ATP8A2: variants seen among roughly 807,000 people sequenced by gnomAD.
ATP8A2 encodes phospholipid-transporting ATPase IB.
In ATP8A2, 100 loss-of-function variants were observed where a neutral mutation model predicts 165.6. The observed-to-expected ratio is 0.60, with a 90% CI of 0.51 to 0.71. ATP8A2 has a LOEUF of 0.71. Among genes scored for constraint, ATP8A2 ranks in the 30% least tolerant of loss-of-function variants. The pLI is 0.00. For missense variants in ATP8A2, 1,227 were observed against 1,479.5 expected (o/e 0.83, Z 2.80); for synonymous variants, 543 against 548.8 (o/e 0.99, Z 0.15).
chr13:25,961,587 C>A lies in ATP8A2; in HGVS notation c.3196C>A (p.Leu1066Met), dbSNP rs1955660776. The A allele has an allele frequency of 6.2e-7, 1 of 1,613,760 alleles. No individual in the cohort carries two copies. Among genetic ancestry groups the A allele is most frequent in the African/African-American group, 1.3e-5 (1 of 74,916 alleles). ...CTATTTCTTGCAGGCAACTATGGTCCTGAGCTCCGCACACTTCTGGTTGGG... is the reference window on the plus strand; with the variant it reads ...CTATTTCTTGCAGGCAACTATGGTCATGAGCTCCGCACACTTCTGGTTGGG... ...PDMRGQATMV[L>M]SSAHFWLGLF... The change falls in exon 34 of 37, where the codon CTG becomes ATG. Residue 1066 changes from leucine (L) to methionine (M), a missense_variant. Physicochemically the swap from Leu to Met is conservative, Grantham distance 15 (BLOSUM62 2). Around this residue, in one of 5 missense-constraint regions of ATP8A2, gnomAD observed 260 missense variants for 245.1 expected, o/e 1.06. Transcript: ENST00000381655.
intron 1 of ATP8A2, among the ~76,000 whole-genome samples, chr13:25,430,827 A>G (rs1593297180): frequency 6.6e-6 from 1 of 151,996 alleles, no homozygotes. Flanking sequence ...CAAACTCCTG[A>G]CCTTAGATGA....
rs1221570795 is a variant in ATP8A2 at position 25,564,013 on chromosome 13, G to A, written c.1455G>A (p.Lys485=). ...SCDFDDPRLL[K]NIEDRHPTAP... is the part of the protein sequence containing the mutation. ...ACTTTGATGACCCCAGGCTGTTGAA[G>A]AACATTGAGGATCGCCATGTAAGTG... The change falls in exon 16 of 37, where the codon AAG becomes AAA. Residue 485 remains lysine (K), a synonymous_variant. Transcript: ENST00000381655. 1 of 1,612,832 alleles carries A rather than the reference G, an allele frequency of 6.2e-7. No homozygotes were observed. Among genetic ancestry groups the A allele is most frequent in the Non-Finnish European group, 8.5e-7 (1 of 1,178,864 alleles).
intron 27 of ATP8A2, among the ~76,000 whole-genome samples, chr13:25,825,943 G>A (rs2138590490): frequency 6.6e-6 from 1 of 152,206 alleles, no homozygotes; most frequent in South Asian, 2.1e-4. Flanking sequence ...TGATGACAGA[G>A]GATGGAGGGA....
intron 35 of ATP8A2, among the ~76,000 whole-genome samples, chr13:25,999,747 G>A (rs1395688875): frequency 6.6e-6 from 1 of 152,124 alleles, no homozygotes; most frequent in Non-Finnish European, 1.5e-5. Flanking sequence ...TGAATTAATG[G>A]GAGGTCAAGA....
chr13:25,535,314 C>T (rs185507889), intron 6 of ATP8A2, among the ~76,000 whole-genome samples: 2 of 152,278 alleles, frequency 1.3e-5, no homozygotes, highest in African/African-American at 2.4e-5. Flanking sequence ...AGCTGAGTCA[C>T]GGGTGAGCGC....
chr13:25,853,607 A>T (rs558511273), intron 30 of ATP8A2, among the ~76,000 whole-genome samples: 4 of 152,112 alleles, frequency 2.6e-5, no homozygotes, highest in African/African-American at 7.2e-5. Context: ...ACAAATTTTG[A>T]CTTTCAGCTT....
chr13:25,962,231 C>T (rs1335337994), intron 34 of ATP8A2, among the ~76,000 whole-genome samples: 2 of 152,112 alleles, frequency 1.3e-5, no homozygotes, highest in Non-Finnish European at 2.9e-5. Context: ...TATGGCCTGG[C>T]TTCACTTCCC....
intron 25 of ATP8A2, among the ~76,000 whole-genome samples, chr13:25,755,307 G>C (rs1220958336): frequency 6.6e-6 from 1 of 152,094 alleles, no homozygotes; most frequent in African/African-American, 2.4e-5. Flanking sequence ...TACAGAAAGG[G>C]AGGCATACTG....
At chr13:25,444,036 C>T (rs980766065) in intron 1 of ATP8A2, among the ~76,000 whole-genome samples, 4 of 152,170 alleles carry the variant, frequency 2.6e-5, no homozygotes, top group Middle Eastern at 6.4e-3. Flanking sequence ...AAAATATAGC[C>T]TAGTTCCATT....
At chr13:25,912,339 C>T (rs1226097609) in intron 33 of ATP8A2, among the ~76,000 whole-genome samples, 5 of 151,594 alleles carry the variant, frequency 3.3e-5, no homozygotes, top group South Asian at 2.1e-4. Flanking sequence ...AAATCTAAAA[C>T]AATCAAACTG....
intron 24 of ATP8A2, among the ~76,000 whole-genome samples, chr13:25,680,750 G>A (rs1004826382): frequency 6.6e-6 from 1 of 152,174 alleles, no homozygotes; most frequent in East Asian, 1.9e-4. Context: ...AAAGTGAGAG[G>A]CTTTTGCCAT....
intron 2 of ATP8A2, among the ~76,000 whole-genome samples, chr13:25,507,488 A>G (rs1450985153): frequency 6.6e-6 from 1 of 151,804 alleles, no homozygotes; most frequent in African/African-American, 2.4e-5. Context: ...CTGGTCACGA[A>G]CTCCTGACCT....
intron 24 of ATP8A2, chr13:25,591,208 A>G (rs2040066405): frequency 2.2e-6 from 1 of 453,416 alleles, no homozygotes; most frequent in Admixed American, 2.4e-5. Context: ...AGTGGCATTA[A>G]GTATATTCAT....
chr13:25,807,086 A>G (rs1018995009), intron 27 of ATP8A2, among the ~76,000 whole-genome samples: 1 of 149,460 alleles, frequency 6.7e-6, no homozygotes, highest in Non-Finnish European at 1.5e-5. Context: ...GCCAAATCCT[A>G]TATGAGATAT....
chr13:25,812,985 G>A (rs893708869), intron 27 of ATP8A2, among the ~76,000 whole-genome samples: 1 of 152,014 alleles, frequency 6.6e-6, no homozygotes, highest in Non-Finnish European at 1.5e-5. Flanking sequence ...AGAAACAGAA[G>A]ACCAAACACC....
At chr13:25,587,605 T>C (rs2039960316) in intron 23 of ATP8A2, among the ~76,000 whole-genome samples, 1 of 152,226 alleles carries the variant, frequency 6.6e-6, no homozygotes, top group South Asian at 2.1e-4. Flanking sequence ...GTAAATCCTT[T>C]TGCATTAGTT....
chr13:25,867,985 G>T, intron 33 of ATP8A2: 1 of 323,404 alleles, frequency 3.1e-6, no homozygotes, highest in Non-Finnish European at 6.3e-6. Flanking sequence ...CAATTGTTGA[G>T]ACACTGTATG....
At chr13:25,950,364 G>T (rs1955322787) in intron 33 of ATP8A2, among the ~76,000 whole-genome samples, 2 of 152,086 alleles carry the variant, frequency 1.3e-5, no homozygotes, top group Non-Finnish European at 2.9e-5. Flanking sequence ...CTCTAAAATT[G>T]GGTCCTAAGG....
intron 25 of ATP8A2, among the ~76,000 whole-genome samples, chr13:25,748,014 ACATTTGTAGTT>A (rs2044071886): frequency 6.6e-6 from 1 of 152,206 alleles, no homozygotes; most frequent in Non-Finnish European, 1.5e-5. Flanking sequence ...TTAACTACTG[ACATTTGTAGTT>A]CATTCTGATT....
Sources: allele counts gnomAD v4.1 joint callset (sites outside exome capture counted in the v4.1 genomes callset), GRCh38; gene constraint gnomAD v4.1.1; regional missense constraint gnomAD v4.1.1; transcripts MANE v1.5; gene names NCBI Gene and HGNC (gene_info 2026-07-23, HGNC 2026-07-21).